The following MTSS1 variants were observed in gnomAD, a reference collection of about 807,000 sequenced individuals.
MTSS1 encodes protein MTSS 1.
MTSS1 carries 18 observed loss-of-function variants against 79.0 expected under a neutral mutation model. That is an observed-to-expected ratio of 0.23 (90% CI 0.16 to 0.34). The LOEUF (loss-of-function observed/expected upper bound fraction) is 0.34. Ranked by LOEUF, MTSS1 falls within the 10% of genes least tolerant of loss-of-function variation. The pLI, the probability that MTSS1 is intolerant of heterozygous loss-of-function variation, is 1.00. For missense variants in MTSS1, 815 were observed against 986.2 expected (o/e 0.83, Z 2.33); for synonymous variants, 341 against 368.6 (o/e 0.93, Z 0.86).
At chr8:124,596,950 AC>A (rs1298227124) in intron 3 of MTSS1, among the ~76,000 whole-genome samples, 2 of 152,074 alleles carry the variant, frequency 1.3e-5, no homozygotes, top group Admixed American at 1.3e-4. Flanking sequence ...CACCTTAATG[AC>A]CTCATCCTAA....
intron 7 of MTSS1, among the ~76,000 whole-genome samples, 156 bp from the exon 8 acceptor site, chr8:124,567,334 C>G (rs1449679060): frequency 6.6e-6 from 1 of 152,252 alleles, no homozygotes; most frequent in Non-Finnish European, 1.5e-5. Flanking sequence ...GCACTACATG[C>G]CTTTTCTTTT....
At chr8:124,705,667 G>A (rs1317317059) in intron 1 of MTSS1, among the ~76,000 whole-genome samples, 1 of 152,158 alleles carries the variant, frequency 6.6e-6, no homozygotes, top group Non-Finnish European at 1.5e-5. Flanking sequence ...TTTCATGACA[G>A]AAGCCCAATT....
chr8:124,646,220 G>A (rs887860867), intron 3 of MTSS1, among the ~76,000 whole-genome samples: 9 of 152,122 alleles, frequency 5.9e-5, no homozygotes, highest in Non-Finnish European at 1.0e-4. Context: ...GATTATAAAT[G>A]GGATTATAAG....
At chr8:124,693,746 C>T (rs1828334512) in intron 3 of MTSS1, among the ~76,000 whole-genome samples, 1 of 152,216 alleles carries the variant, frequency 6.6e-6, no homozygotes. Flanking sequence ...AACCTTCTCT[C>T]TCCATTATCT....
chr8:124,634,793 AGT>A (rs1291576224), intron 3 of MTSS1, among the ~76,000 whole-genome samples: 2 of 152,170 alleles, frequency 1.3e-5, no homozygotes, highest in African/African-American at 4.8e-5. Flanking sequence ...ATCACCTGGG[AGT>A]GTGACGGAAA....
At chr8:124,581,869 A>G (rs1449467483) in intron 6 of MTSS1, among the ~76,000 whole-genome samples, 1 of 152,218 alleles carries the variant, frequency 6.6e-6, no homozygotes, top group Non-Finnish European at 1.5e-5. Flanking sequence ...AACGCCTCTC[A>G]TTTCTGATGC....
intron 7 of MTSS1, chr8:124,568,008 AACACAG>A: frequency 7.9e-7 from 1 of 1,258,214 alleles, no homozygotes; most frequent in Non-Finnish European, 1.0e-6. Flanking sequence ...GCTCCTTTAA[AACACAG>A]ACGACTGGGT....
intron 3 of MTSS1, among the ~76,000 whole-genome samples, chr8:124,686,717 A>G (rs1317871557): frequency 6.6e-6 from 1 of 152,082 alleles, no homozygotes; most frequent in Non-Finnish European, 1.5e-5. Flanking sequence ...ACCAACCTAC[A>G]ATGCACAACA....
Position 124,553,448 on chromosome 8 carries a change from A to G in MTSS1, c.1812T>C (p.Ile604=), listed in dbSNP as rs1218215367. ...STKPSVRRGT[I]GAGPIPIKTP... ...TCTTGATGGGGATGGGACCAGCTCC[A>G]ATGGTTCCCCGGCGGACAGAAGGCT... Residue 604 remains isoleucine (I), a synonymous_variant, in exon 14 of 14, where the codon ATT becomes ATC. Transcript: ENST00000518547. The surrounding 1 kb of genome is among the most constrained non-coding windows in gnomAD (Gnocchi z 6.0). The G allele has an allele frequency of 6.2e-7, 1 of 1,608,548 alleles. No homozygotes were observed. Among genetic ancestry groups the G allele is most frequent in the Admixed American group, 1.7e-5 (1 of 59,862 alleles).
At chr8:124,558,513 C>T (rs1043311834) in intron 10 of MTSS1, among the ~76,000 whole-genome samples, 2 of 152,152 alleles carry the variant, frequency 1.3e-5, no homozygotes, top group African/African-American at 2.4e-5. Context: ...CTTGAGACAA[C>T]CATGTGGTCA....
In MTSS1 at chr8:124,671,974, G is replaced by A. The variant is rs75420911; in HGVS notation, c.208+27552C>T. Among the ~76,000 whole-genome samples the A allele has an allele frequency of 4.9e-3, 747 of 152,178 alleles. 6 individuals are homozygous for A. The highest frequency in any genetic ancestry group is 8.0e-3 in the Non-Finnish European group (543 of 68,006). ...ATGCAACTCACAAACTCACATAAAG[G>A]GTGCATGTTTCCATGCATAGCAAGT... is the stretch of plus-strand genomic sequence containing the variant. On this transcript the variant is annotated intron_variant, in intron 3 of 13. Coordinates refer to ENST00000518547, the MANE Select transcript of MTSS1 (RefSeq NM_014751.6).
chr8:124,715,935 T>TGTAGG (rs2135695231), intron 1 of MTSS1, among the ~76,000 whole-genome samples: 1 of 152,276 alleles, frequency 6.6e-6, no homozygotes, highest in East Asian at 1.9e-4. Flanking sequence ...AAATGATGGT[T>TGTAGG]GTAGGATGAT....
intron 3 of MTSS1, among the ~76,000 whole-genome samples, chr8:124,691,900 C>A (rs1202895406): frequency 6.6e-6 from 1 of 151,934 alleles, no homozygotes; most frequent in East Asian, 1.9e-4. Context: ...AGTTCCAGAC[C>A]TAAAAGAAGG....
chr8:124,585,822 A>G (rs1162043692), intron 5 of MTSS1, among the ~76,000 whole-genome samples: 1 of 151,770 alleles, frequency 6.6e-6, no homozygotes, highest in Non-Finnish European at 1.5e-5. Context: ...TTTTGCAAAA[A>G]CAAAAAAACA....
intron 1 of MTSS1, among the ~76,000 whole-genome samples, chr8:124,726,187 G>A (rs1833677025): frequency 1.3e-5 from 2 of 152,214 alleles, no homozygotes; most frequent in Admixed American, 1.3e-4. Context: ...AGGGCATAGT[G>A]CCACGCAGCC....
Position 124,557,761 on chromosome 8 carries a change from A to G in MTSS1, c.1150T>C (p.Ser384Pro), listed in dbSNP as rs762144045. The G allele has an allele frequency of 6.2e-6, 10 of 1,605,034 alleles. No individual in the cohort carries two copies. In the South Asian group the frequency reaches 1.0e-4, roughly 16 times the overall value. Residue 384 changes from serine to proline, a missense_variant, in exon 11 of 14, where the codon TCT (serine) becomes CCT (proline). By Grantham distance (74) the Ser-to-Pro change is moderately conservative (BLOSUM62 -1). Coordinates refer to ENST00000518547, the MANE Select transcript of MTSS1 (RefSeq NM_014751.6). ...TGAGCGTAGTCTGGAAGGTGGACAGAGGTGACCCGAGGGAGCAGGCGGGAG... is the reference window on the plus strand; with the variant it reads ...TGAGCGTAGTCTGGAAGGTGGACAGGGGTGACCCGAGGGAGCAGGCGGGAG... Reference protein sequence around the residue: ...PASRLLPRVTSVHLPDYAHYY... With the variant: ...PASRLLPRVTPVHLPDYAHYY...
intron 3 of MTSS1, among the ~76,000 whole-genome samples, chr8:124,626,957 G>C (rs954733215): frequency 2.0e-5 from 3 of 152,110 alleles, no homozygotes; most frequent in African/African-American, 7.2e-5. Context: ...CCCGCACCCA[G>C]CCCCTGCCCA....
chr8:124,648,715 C>A (rs576213295), intron 3 of MTSS1, among the ~76,000 whole-genome samples: 2 of 147,462 alleles, frequency 1.4e-5, no homozygotes, highest in African/African-American at 5.4e-5. Flanking sequence ...AGCAGCCCCC[C>A]CCCAGATACT....
chr8:124,562,345 A>G (rs1021268863), intron 10 of MTSS1, among the ~76,000 whole-genome samples: 3 of 152,244 alleles, frequency 2.0e-5, no homozygotes, highest in African/African-American at 7.2e-5. Flanking sequence ...AAGGAACCTG[A>G]GAGCGCCAAG....
Sources: allele counts gnomAD v4.1 joint callset (sites outside exome capture counted in the v4.1 genomes callset), GRCh38; gene constraint gnomAD v4.1.1; non-coding constraint Gnocchi (gnomAD v3.1); transcripts MANE v1.5; gene names NCBI Gene and HGNC (gene_info 2026-07-23, HGNC 2026-07-21).